KDM4B: variants seen among roughly 807,000 people sequenced by gnomAD.
KDM4B encodes lysine-specific demethylase 4B.
Under a neutral mutation model 125.2 loss-of-function variants are expected in KDM4B, and 32 were observed. That is an observed-to-expected ratio of 0.26 (90% CI 0.19 to 0.34). The LOEUF (loss-of-function observed/expected upper bound fraction) is 0.34. Ranked by LOEUF, KDM4B falls within the 10% of genes least tolerant of loss-of-function variation. KDM4B has a pLI of 1.00. For missense variants in KDM4B, 1,190 were observed against 1,577.7 expected (o/e 0.75, Z 4.16); for synonymous variants, 721 against 677.9 (o/e 1.06, Z -0.99).
rs566457979 is a variant in KDM4B, at chr19:5,065,725, C to T, written c.627-5285C>T. Among the ~76,000 whole-genome samples the T allele has an allele frequency of 1.9e-3, 290 of 152,344 alleles. 1 individual carries two copies. The highest frequency in any genetic ancestry group is 0.01 in the Middle Eastern group (3 of 294). The stretch of plus-strand genomic sequence containing the variant: ...CGCCTTTGCTTTCATTCCCTGGTTC[C>T]GGCTCCAGCTCCGGCTCCGGCTCAT... On this transcript the variant is annotated intron_variant, in intron 6 of 22. Coordinates refer to ENST00000159111, the MANE Select transcript of KDM4B (RefSeq NM_015015.3).
At chr19:5,018,741 A>G (rs931185279) in intron 2 of KDM4B, among the ~76,000 whole-genome samples, 7 of 152,088 alleles carry the variant, frequency 4.6e-5, no homozygotes, top group Non-Finnish European at 7.4e-5. Context: ...CCACACCCCA[A>G]AACCAGGCAT....
chr19:5,100,996 G>A (rs549983097), intron 9 of KDM4B, among the ~76,000 whole-genome samples: 13 of 152,020 alleles, frequency 8.6e-5, no homozygotes, highest in Non-Finnish European at 1.5e-4. Context: ...TGAGGCGGGC[G>A]GATCACCTGA....
intron 1 of KDM4B, among the ~76,000 whole-genome samples, chr19:4,994,041 T>G (rs1401157476): frequency 6.9e-6 from 1 of 145,976 alleles, no homozygotes; most frequent in Non-Finnish European, 1.5e-5. Context: ...TTTTTTTTTT[T>G]TGTTATTGTT....
At chr19:4,976,336 C>G (rs1190249753) in intron 1 of KDM4B, among the ~76,000 whole-genome samples, 1 of 151,784 alleles carries the variant, frequency 6.6e-6, no homozygotes, top group African/African-American at 2.4e-5. Context: ...GACATCCACC[C>G]AGACAGCCTC....
At chr19:5,059,694 G>A (rs1001184130) in intron 6 of KDM4B, among the ~76,000 whole-genome samples, 2 of 152,220 alleles carry the variant, frequency 1.3e-5, no homozygotes, top group African/African-American at 4.8e-5. Flanking sequence ...AGGCCATCTC[G>A]GTCACCAGGG....
chr19:5,029,984 C>T (rs530763695), intron 2 of KDM4B, among the ~76,000 whole-genome samples: 18 of 152,352 alleles, frequency 1.2e-4, no homozygotes, highest in East Asian at 7.7e-4. Context: ...GGTTTTGATG[C>T]GTAACCTGCC....
At chr19:5,043,726 G>A (rs1220302456) in intron 5 of KDM4B, among the ~76,000 whole-genome samples, 2 of 144,302 alleles carry the variant, frequency 1.4e-5, no homozygotes, top group South Asian at 2.2e-4. Flanking sequence ...CATATCCTGC[G>A]TGGTGTTTAT....
At position 5,107,070 on chromosome 19, in the gene KDM4B, C is replaced by T. The variant is rs372859210; in HGVS notation, c.919-3552C>T. ...CACCTGAGTCCCCACCTCCTGGTCT[C>T]GGACCTCCACCTGTCCCCAGAGGCT... On this transcript the variant is annotated intron_variant, in intron 9 of 22. Transcript: ENST00000159111. Among the ~76,000 whole-genome samples the T allele has an allele frequency of 1.9e-4, 29 of 152,338 alleles. No individual in the cohort carries two copies. The South Asian group carries it at 3.5e-3, about 18-fold the overall frequency.
intron 1 of KDM4B, among the ~76,000 whole-genome samples, chr19:5,009,586 T>C (rs536418382): frequency 6.6e-6 from 1 of 152,330 alleles, no homozygotes; most frequent in Non-Finnish European, 1.5e-5. Flanking sequence ...TATTTTGAAA[T>C]AATTTTAGAC....
At chr19:5,017,074 C>T (rs368994302) in intron 2 of KDM4B, among the ~76,000 whole-genome samples, 7 of 152,336 alleles carry the variant, frequency 4.6e-5, no homozygotes, top group African/African-American at 1.2e-4. Context: ...TGTGCGGCGT[C>T]GCCCTTGGAT....
intron 3 of KDM4B, among the ~76,000 whole-genome samples, chr19:5,038,663 C>A (rs1383958021): frequency 6.6e-6 from 1 of 152,240 alleles, no homozygotes; most frequent in Non-Finnish European, 1.5e-5. Context: ...GGGCCATAGT[C>A]TGTCTGCTCA....
rs148597345 is a variant in KDM4B, at chr19:5,028,498, G to A, written c.-25-4368G>A. ...TCTTCTGTTGGTGGACACCTGGGTC[G>A]TTTCCACCTTTGGCTGTTGGGAATT... On this transcript the variant is annotated intron_variant, in intron 2 of 22. Coordinates refer to ENST00000159111, the MANE Select transcript of KDM4B (RefSeq NM_015015.3). 7.9e-4 allele frequency among the ~76,000 whole-genome samples: 120 copies of A among 152,358 alleles called. 1 individual carries two copies. Among genetic ancestry groups the A allele is most frequent in the Middle Eastern group, 3.4e-3 (1 of 294 alleles).
chr19:5,128,682 C>G (rs1176562122), intron 11 of KDM4B, among the ~76,000 whole-genome samples: 1 of 152,168 alleles, frequency 6.6e-6, no homozygotes, highest in African/African-American at 2.4e-5. Context: ...AAGCTTCCGG[C>G]CCCTCCCCTC....
intron 1 of KDM4B, among the ~76,000 whole-genome samples, chr19:4,983,606 G>A (rs141593775): frequency 2.6e-5 from 4 of 152,354 alleles, no homozygotes; most frequent in African/African-American, 9.6e-5. Flanking sequence ...ATCGCAGCTG[G>A]TGGGGAGGCG....
At chr19:5,130,457 G>A (rs1011584888) in intron 11 of KDM4B, among the ~76,000 whole-genome samples, 3 of 152,174 alleles carry the variant, frequency 2.0e-5, no homozygotes, top group South Asian at 2.1e-4. Context: ...TGCTGGCCCC[G>A]GGGAGTTCCA....
chr19:5,011,255 G>T (rs1008652797), intron 1 of KDM4B, among the ~76,000 whole-genome samples: 1 of 152,212 alleles, frequency 6.6e-6, no homozygotes, highest in Non-Finnish European at 1.5e-5. Context: ...TGTGGCCTGG[G>T]TGCTGGCCGT....
At chr19:5,065,999 C>T (rs1190478084) in intron 6 of KDM4B, among the ~76,000 whole-genome samples, 2 of 152,214 alleles carry the variant, frequency 1.3e-5, no homozygotes, top group African/African-American at 2.4e-5. Context: ...CAGGGACATG[C>T]GGCTCGTTGC....
At chr19:4,980,338 T>G (rs963735653) in intron 1 of KDM4B, among the ~76,000 whole-genome samples, 5 of 152,022 alleles carry the variant, frequency 3.3e-5, no homozygotes, top group Non-Finnish European at 7.4e-5. Flanking sequence ...TGTGGCCTGT[T>G]GTGTCTGGCT....
Position 5,103,622 on chromosome 19 carries a change from C to T in KDM4B, c.919-7000C>T, listed in dbSNP as rs541138496. ...CCCTGAACTCGACGGCCATCAATCC[C>T]GGGCCTGTCATTTGCAAGCAGCTGC... is the stretch of plus-strand genomic sequence containing the variant. On this transcript the variant is annotated intron_variant, in intron 9 of 22. Transcript: ENST00000159111. Among the ~76,000 whole-genome samples the T allele has an allele frequency of 2.8e-4, 43 of 152,304 alleles. No homozygotes were observed. In the South Asian group the frequency reaches 8.9e-3, roughly 32 times the overall value.
Sources: allele counts gnomAD v4.1 joint callset (sites outside exome capture counted in the v4.1 genomes callset), GRCh38; gene constraint gnomAD v4.1.1; transcripts MANE v1.5; gene names NCBI Gene and HGNC (gene_info 2026-07-23, HGNC 2026-07-21).